The following CCNY variants were observed in gnomAD, a reference collection of about 807,000 sequenced individuals.
The protein encoded by CCNY is cyclin-Y.
Under a neutral mutation model 42.8 loss-of-function variants are expected in CCNY, and 19 were observed. The observed-to-expected ratio is 0.44, with a 90% CI of 0.31 to 0.65. CCNY has a LOEUF of 0.65. Among genes scored for constraint, CCNY ranks in the 30% least tolerant of loss-of-function variants. The pLI is 0.07. For synonymous variants in CCNY, 165 were observed against 162.7 expected, an observed-to-expected ratio of 1.01 and a Z score of -0.11; for missense variants, 370 against 437.3, an observed-to-expected ratio of 0.85 and a Z score of 1.37.
chr10:35,394,783 G>C (rs1326453114), intron 1 of CCNY: 1 of 940,216 alleles, frequency 1.1e-6, no homozygotes, highest in Middle Eastern at 5.5e-4. Context: ...GTTTTGAAGG[G>C]CCTTGGTGAC....
chr10:35,313,104 C>T (rs900352741), intron 3 of CCNY, among the ~76,000 whole-genome samples: 3 of 152,036 alleles, frequency 2.0e-5, no homozygotes, highest in Non-Finnish European at 2.9e-5. Flanking sequence ...CCTCAATTTC[C>T]TAGAGTCCAG....
chr10:35,251,296 A>G (rs992383817), intron 3 of CCNY, among the ~76,000 whole-genome samples: 2 of 152,174 alleles, frequency 1.3e-5, no homozygotes, highest in Non-Finnish European at 2.9e-5. Flanking sequence ...ATAATATTAA[A>G]TTCCTTAGTG....
At chr10:35,349,320 C>G (rs987386675) in intron 1 of CCNY, among the ~76,000 whole-genome samples, 1 of 152,202 alleles carries the variant, frequency 6.6e-6, no homozygotes, top group Admixed American at 6.5e-5. Context: ...CCTCTCCTTG[C>G]TACCCACTCT....
At chr10:35,449,106 C>T (rs113276864) in intron 1 of CCNY, among the ~76,000 whole-genome samples, 7 of 151,914 alleles carry the variant, frequency 4.6e-5, no homozygotes, top group South Asian at 2.1e-4. Context: ...GGGAGCTGAA[C>T]GGGCAGCATG....
intron 1 of CCNY, among the ~76,000 whole-genome samples, chr10:35,450,134 A>C (rs1838884815): frequency 6.6e-6 from 1 of 151,422 alleles, no homozygotes; most frequent in Non-Finnish European, 1.5e-5. Flanking sequence ...GAAAGCAAGG[A>C]TGTAGCAGGG....
intron 3 of CCNY, among the ~76,000 whole-genome samples, chr10:35,329,963 G>A (rs1003862122): frequency 1.8e-4 from 27 of 152,316 alleles, no homozygotes; most frequent in African/African-American, 4.8e-4. Context: ...GCTGCAGTGC[G>A]TTTTGAGTTC....
intron 3 of CCNY, among the ~76,000 whole-genome samples, chr10:35,258,561 T>A (rs1255876174): frequency 6.6e-6 from 1 of 152,142 alleles, no homozygotes; most frequent in African/African-American, 2.4e-5. Context: ...CAGCAACCAG[T>A]GATTCTGATA....
At chr10:35,342,204 G>A (rs988223222) in intron 1 of CCNY, among the ~76,000 whole-genome samples, 7 of 152,198 alleles carry the variant, frequency 4.6e-5, no homozygotes, top group Non-Finnish European at 1.0e-4. Flanking sequence ...GTGCCTGTAG[G>A]ATGAGCTTGC....
At position 35,569,499 on chromosome 10, in the gene CCNY, A is replaced by G. The variant is rs901161124; in HGVS notation, c.*329A>G. ...AGCAGCCCGGCCCTCTGGAGTCCCC[A>G]TGGGGGCGGTAGCTGAAGTTGGCGA... is the stretch of plus-strand genomic sequence containing the variant. On this transcript the variant is annotated 3_prime_UTR_variant, in exon 10 of 10. Coordinates refer to ENST00000374704, the MANE Select transcript of CCNY (RefSeq NM_145012.6). 4 of 335,458 alleles carry G rather than the reference A, an allele frequency of 1.2e-5. No individual in the cohort carries two copies. The highest frequency in any genetic ancestry group is 4.0e-5 in the Admixed American group (1 of 24,986). The allele number at this position is 335,458 out of a possible 1,614,324, so 20.8% of individuals were successfully genotyped here.
chr10:35,565,850 AGT>A (rs1369350383), intron 8 of CCNY, among the ~76,000 whole-genome samples, 171 bp from the exon 9 acceptor site: 3 of 152,204 alleles, frequency 2.0e-5, no homozygotes, highest in African/African-American at 7.2e-5. Flanking sequence ...CACCAGATCA[AGT>A]GGATTTGGCT....
intron 3 of CCNY, among the ~76,000 whole-genome samples, chr10:35,320,238 T>C (rs978871319): frequency 1.3e-5 from 2 of 152,156 alleles, no homozygotes; most frequent in Non-Finnish European, 2.9e-5. Flanking sequence ...TTTGGCAAAC[T>C]GAATTCAGCA....
At chr10:35,473,783 G>C (rs373591927) in intron 1 of CCNY, among the ~76,000 whole-genome samples, 89 of 152,134 alleles carry the variant, frequency 5.9e-4, no homozygotes, top group African/African-American at 1.8e-3. Flanking sequence ...GTGTTCCTTG[G>C]GGGGAGGAGC....
chr10:35,307,299 C>T (rs1017774398), intron 3 of CCNY, among the ~76,000 whole-genome samples: 2 of 152,206 alleles, frequency 1.3e-5, no homozygotes, highest in African/African-American at 4.8e-5. Flanking sequence ...ACTAGTTAGA[C>T]AGATGGAACA....
intron 3 of CCNY, among the ~76,000 whole-genome samples, chr10:35,513,828 G>GCACGCACATGTA (rs2135404855): frequency 6.6e-6 from 1 of 152,272 alleles, no homozygotes; most frequent in East Asian, 1.9e-4. Context: ...GTGTGCATGT[G>GCACGCACATGTA]CACGCACATG....
At chr10:35,250,175 C>G (rs957828183) in intron 2 of CCNY, among the ~76,000 whole-genome samples, 8 of 127,910 alleles carry the variant, frequency 6.3e-5, no homozygotes, top group African/African-American at 2.2e-4. Flanking sequence ...GCCTCGGTGA[C>G]AGAGTGAGAC....
intron 3 of CCNY, among the ~76,000 whole-genome samples, chr10:35,505,956 G>A (rs1166137810): frequency 6.6e-6 from 1 of 152,180 alleles, no homozygotes; most frequent in African/African-American, 2.4e-5. Context: ...TTTGAGTGAG[G>A]TAGGAATAGG....
chr10:35,549,352 C>G (rs964471140), intron 7 of CCNY, among the ~76,000 whole-genome samples: 1 of 152,132 alleles, frequency 6.6e-6, no homozygotes, highest in African/African-American at 2.4e-5. Flanking sequence ...CTGTATGTGA[C>G]CCTGTGCTGC....
At chr10:35,318,245 A>C (rs956425734) in intron 3 of CCNY, among the ~76,000 whole-genome samples, 2 of 151,992 alleles carry the variant, frequency 1.3e-5, no homozygotes, top group African/African-American at 4.8e-5. Context: ...TAAATAAATA[A>C]ATAAATAAAT....
intron 1 of CCNY, among the ~76,000 whole-genome samples, chr10:35,382,041 T>C (rs1465648311): frequency 1.3e-5 from 2 of 152,224 alleles, no homozygotes; most frequent in South Asian, 2.1e-4. Flanking sequence ...GAAAATAATT[T>C]TTTTCATACA....
Sources: allele counts gnomAD v4.1 joint callset (sites outside exome capture counted in the v4.1 genomes callset), GRCh38; gene constraint gnomAD v4.1.1; transcripts MANE v1.5; gene names NCBI Gene and HGNC (gene_info 2026-07-23, HGNC 2026-07-21).